The following PHACTR3 variants were observed in gnomAD, a reference collection of about 807,000 sequenced individuals.
PHACTR3 encodes the protein phosphatase and actin regulator 3.
A neutral mutation model predicts 66.8 loss-of-function variants in PHACTR3; 16 were observed. The ratio of observed to expected loss-of-function variants is 0.24; its 90% CI spans 0.16 to 0.36. PHACTR3 has a LOEUF of 0.36. Ranked by LOEUF, PHACTR3 falls within the 10% of genes least tolerant of loss-of-function variation. The pLI is 1.00. For synonymous variants in PHACTR3, 323 were observed against 292.1 expected (o/e 1.11, Z -1.08); for missense variants, 647 against 719.9 (o/e 0.90, Z 1.16).
At chr20:59,681,582 C>CT (rs1484630131) in intron 1 of PHACTR3, among the ~76,000 whole-genome samples, 1 of 152,186 alleles carries the variant, frequency 6.6e-6, no homozygotes, top group African/African-American at 2.4e-5. Context: ...ATTCAAGAGC[C>CT]AAACAGATAT....
At chr20:59,801,598 C>A (rs1352928112) in intron 7 of PHACTR3, among the ~76,000 whole-genome samples, 2 of 152,218 alleles carry the variant, frequency 1.3e-5, no homozygotes, top group Non-Finnish European at 2.9e-5. Context: ...TCAGAAGTCC[C>A]TTTCTGGCAC....
chr20:59,664,503 C>T (rs1195675032), intron 1 of PHACTR3, among the ~76,000 whole-genome samples: 1 of 152,188 alleles, frequency 6.6e-6, no homozygotes, highest in Non-Finnish European at 1.5e-5. Context: ...CTTGCTGACC[C>T]TGTCTGGGTC....
upstream of PHACTR3, among the ~76,000 whole-genome samples, chr20:59,601,056 T>G (rs2033466512): frequency 6.6e-6 from 1 of 152,008 alleles, no homozygotes; most frequent in African/African-American, 2.4e-5. Context: ...TATGAAACCA[T>G]CACCATAATC....
intron 1 of PHACTR3, among the ~76,000 whole-genome samples, chr20:59,580,053 G>A (rs1255013354): frequency 6.6e-6 from 1 of 152,152 alleles, no homozygotes; most frequent in Admixed American, 6.5e-5. Context: ...CTGGAGCTTG[G>A]GGCGGTGGTT....
chr20:59,770,607 A>T (rs2040327901), intron 5 of PHACTR3, among the ~76,000 whole-genome samples: 1 of 152,204 alleles, frequency 6.6e-6, no homozygotes, highest in Non-Finnish European at 1.5e-5. Flanking sequence ...GTCTCTGATG[A>T]GGGCTTGCTT....
chr20:59,723,100 TTC>T (rs1385662845), intron 1 of PHACTR3, among the ~76,000 whole-genome samples: 1 of 150,630 alleles, frequency 6.6e-6, no homozygotes, highest in Non-Finnish European at 1.5e-5. Context: ...CTTTCTTTCT[TTC>T]TTTCTTTCTT....
intron 1 of PHACTR3, among the ~76,000 whole-genome samples, chr20:59,704,952 C>T (rs1489834153): frequency 6.7e-6 from 1 of 149,878 alleles, no homozygotes; most frequent in Admixed American, 6.6e-5. Context: ...GTATTTAAGA[C>T]TTTCTCTTTT....
rs200704511 is a variant in PHACTR3 at position 59,774,889 on chromosome 20, CAA to C, written c.1174+407_1174+408del. Among the ~76,000 whole-genome samples the C allele has an allele frequency of 4.7e-5, 7 of 149,532 alleles. No homozygotes were observed. In the South Asian group the frequency reaches 6.4e-4, roughly 14 times the overall value. ...ACAGAAGTTATAGCAAAAACAAAAA[CAA>C]AAAAAAACTGTAACAAGTAAAGCAG... On this transcript the variant is annotated intron_variant, in intron 7 of 12. Transcript: ENST00000371015.
intron 1 of PHACTR3, among the ~76,000 whole-genome samples, chr20:59,637,910 C>T (rs975320336): frequency 8.5e-5 from 13 of 152,176 alleles, no homozygotes; most frequent in Admixed American, 3.9e-4. Context: ...CATACTTTAT[C>T]TTCCTGAAGC....
chr20:59,757,762 G>A (rs57158451), intron 4 of PHACTR3, among the ~76,000 whole-genome samples: 11,067 of 152,230 alleles, frequency 0.073, 928 homozygotes, highest in East Asian at 0.41. Flanking sequence ...AGTCATCCTG[G>A]ACAGCATAGC....
intron 1 of PHACTR3, among the ~76,000 whole-genome samples, chr20:59,591,517 A>G (rs963486847): frequency 6.6e-6 from 1 of 152,138 alleles, no homozygotes; most frequent in Non-Finnish European, 1.5e-5. Context: ...GGTGAGGTGG[A>G]CCAGGGACCG....
At position 59,604,982 on chromosome 20, in the gene PHACTR3, T is replaced by C. The variant is rs2033606832; in HGVS notation, c.-33T>C. Reference sequence around the variant, plus strand: ...CTCGGATGCTCTGATTCCACGCGGCTCGCTCTAACTTGCCCCCGCGCCGGC... The same window carrying C: ...CTCGGATGCTCTGATTCCACGCGGCCCGCTCTAACTTGCCCCCGCGCCGGC... On this transcript the variant is annotated 5_prime_UTR_variant, in exon 1 of 13. Transcript: ENST00000371015. The C allele has an allele frequency of 8.0e-7, 1 of 1,254,808 alleles. No individual in the cohort carries two copies. Among genetic ancestry groups the C allele is most frequent in the Admixed American group, 4.3e-5 (1 of 23,486 alleles). The allele number at this position is 1,254,808 out of a possible 1,614,324, so 77.7% of individuals were successfully genotyped here.
intron 1 of PHACTR3, among the ~76,000 whole-genome samples, chr20:59,589,735 A>G (rs577837078): frequency 3.9e-5 from 6 of 152,334 alleles, no homozygotes; most frequent in Non-Finnish European, 8.8e-5. Context: ...GAAGGAGAAC[A>G]TGTTTGGGTG....
chr20:59,619,803 G>A (rs917608826), intron 1 of PHACTR3, among the ~76,000 whole-genome samples: 1 of 152,202 alleles, frequency 6.6e-6, no homozygotes, highest in Non-Finnish European at 1.5e-5. Context: ...TGAAGGGATC[G>A]TCCTGGTCAC....
intron 1 of PHACTR3, among the ~76,000 whole-genome samples, chr20:59,637,259 C>T (rs2034931167): frequency 6.6e-6 from 1 of 152,234 alleles, no homozygotes; most frequent in Admixed American, 6.5e-5. Flanking sequence ...CAGGGTTCTC[C>T]ACAGCTCTCC....
chr20:59,667,782 C>A (rs1435647878), intron 1 of PHACTR3, among the ~76,000 whole-genome samples: 1 of 152,202 alleles, frequency 6.6e-6, no homozygotes, highest in Non-Finnish European at 1.5e-5. Context: ...TTCTCTTGTG[C>A]TGTGGATGGC....
At chr20:59,599,586 T>A (rs1045947952), upstream of PHACTR3, among the ~76,000 whole-genome samples, 26 of 152,158 alleles carry the variant, frequency 1.7e-4, no homozygotes, top group Admixed American at 7.2e-4. Flanking sequence ...CTCCCTGATC[T>A]GATCCTCCCC....
chr20:59,663,795 G>A (rs112095019), intron 1 of PHACTR3, among the ~76,000 whole-genome samples: 19 of 152,180 alleles, frequency 1.2e-4, no homozygotes, highest in African/African-American at 9.7e-5. Flanking sequence ...CTTGTGCAAC[G>A]GAGATGAAAA....
rs148606251 is a variant in PHACTR3, at chr20:59,663,384, C to A, written c.118+58252C>A. Among the ~76,000 whole-genome samples, 483 of 152,278 alleles carry A rather than the reference C, an allele frequency of 3.2e-3. 5 individuals are homozygous for A. The highest frequency in any genetic ancestry group is 0.011 in the African/African-American group (461 of 41,554). The stretch of plus-strand genomic sequence containing the variant: ...GGTGGAGACGTGGAGGACAGACCGA[C>A]GCCAGCAGAAGGACATCAGGGCCAC... On this transcript the variant is annotated intron_variant, in intron 1 of 12. Coordinates refer to ENST00000371015, the MANE Select transcript of PHACTR3 (RefSeq NM_080672.5).
Sources: allele counts gnomAD v4.1 joint callset (sites outside exome capture counted in the v4.1 genomes callset), GRCh38; gene constraint gnomAD v4.1.1; transcripts MANE v1.5; gene names NCBI Gene and HGNC (gene_info 2026-07-23, HGNC 2026-07-21).